Variants in TRPM7 observed in about 807,000 individuals in gnomAD.
The protein encoded by TRPM7 is LTRPC ion channel family member 7.
A neutral mutation model predicts 229.7 loss-of-function variants in TRPM7; 134 were observed. That is an observed-to-expected ratio of 0.58 (90% CI 0.51 to 0.67). TRPM7 has a LOEUF of 0.67. Among genes scored for constraint, TRPM7 ranks in the 30% least tolerant of loss-of-function variants. The pLI is 0.00. For missense variants in TRPM7, 1,901 were observed against 2,210.0 expected (o/e 0.86, Z 2.80); for synonymous variants, 699 against 715.2 (o/e 0.98, Z 0.36).
At chr15:50,569,765 T>C (rs1328152391) in intron 38 of TRPM7, 122 bp downstream of exon 38, 1 of 511,302 alleles carries the variant, frequency 2.0e-6, no homozygotes, top group African/African-American at 2.0e-5. Flanking sequence ...GCAAAAGAGC[T>C]GCTGAAGCTG....
intron 5 of TRPM7, 43 bp from the exon 6 acceptor site, chr15:50,639,591 C>A: frequency 6.3e-7 from 1 of 1,579,730 alleles, no homozygotes; most frequent in South Asian, 1.1e-5. Context: ...TTTTTATTTT[C>A]TTAAAGACAG....
intron 5 of TRPM7, among the ~76,000 whole-genome samples, chr15:50,642,459 G>C (rs1596287337): frequency 6.6e-6 from 1 of 152,152 alleles, no homozygotes; most frequent in African/African-American, 2.4e-5. Context: ...GGTTTTACGG[G>C]AGAGACCAGG....
At chr15:50,653,353 A>G (rs1386791030) in intron 3 of TRPM7, among the ~76,000 whole-genome samples, 1 of 152,234 alleles carries the variant, frequency 6.6e-6, no homozygotes, top group Non-Finnish European at 1.5e-5. Flanking sequence ...TCAGCAAACT[A>G]GGAAAGGAGG....
Position 50,625,642 on chromosome 15 carries a change from C to A in TRPM7, c.1306-1342G>T, listed in dbSNP as rs573625225. ...TCTCAAACTCCTGGCCTCAAGTGAT[C>A]TTCCTAACTCAGCCTCCCACAGTAC... is the stretch of plus-strand genomic sequence containing the variant. On this transcript the variant is annotated intron_variant, in intron 11 of 38. Coordinates refer to ENST00000646667, the MANE Select transcript of TRPM7 (RefSeq NM_017672.6). 1.8e-3 allele frequency among the ~76,000 whole-genome samples: 279 copies of A among 151,992 alleles called. 2 individuals carry two copies. The highest frequency in any genetic ancestry group is 2.0e-3 in the Non-Finnish European group (133 of 68,006).
intron 4 of TRPM7, 89 bp from the exon 5 acceptor site, chr15:50,643,642 G>T: frequency 1.1e-6 from 1 of 944,266 alleles, no homozygotes; most frequent in Non-Finnish European, 1.6e-6. Flanking sequence ...AATTTTATAT[G>T]AATCAGATTA....
At chr15:50,633,071 T>C (rs1311469467) in intron 8 of TRPM7, 79 bp from the exon 9 acceptor site, 1 of 1,289,540 alleles carries the variant, frequency 7.8e-7, no homozygotes, top group Non-Finnish European at 1.0e-6. Flanking sequence ...GGTAGATCCA[T>C]GTAAGACCTT....
At chr15:50,563,345 G>C (rs2053416445) in intron 38 of TRPM7, among the ~76,000 whole-genome samples, 1 of 152,190 alleles carries the variant, frequency 6.6e-6, no homozygotes, top group South Asian at 2.1e-4. Context: ...GAGAAGTACA[G>C]ATACAATACA....
chr15:50,686,384 G>A lies in TRPM7; in HGVS notation c.3+147C>T, dbSNP rs1364481475. The A allele has an allele frequency of 2.9e-6, 4 of 1,363,616 alleles. No individual in the cohort carries two copies. In the African/African-American group the frequency reaches 4.3e-5, roughly 15 times the overall value. The allele number at this position is 1,363,616 out of a possible 1,614,324, so 84.5% of individuals were successfully genotyped here. On this transcript the variant is annotated intron_variant, in intron 1 of 38. Transcript: ENST00000646667. ...CCAGAACGAACTGCACACCCGTCCC[G>A]AGAGGACAAATCCGGAAGCCTCAAG...
intron 6 of TRPM7, among the ~76,000 whole-genome samples, chr15:50,638,266 G>A (rs1421553225): frequency 1.3e-5 from 2 of 149,436 alleles, no homozygotes; most frequent in South Asian, 2.1e-4. Flanking sequence ...GGCTGAGGCA[G>A]GAGAATGGCG....
In TRPM7 at chr15:50,592,340, T is replaced by G. The variant is rs759804060; in HGVS notation, c.3895A>C (p.Ser1299Arg). 5 of 1,614,108 alleles carry G rather than the reference T, an allele frequency of 3.1e-6. 1 individual carries two copies. The South Asian group carries it at 4.4e-5, about 14-fold the overall frequency. The part of the protein sequence containing the change: ...WKKHGVVNTL[S>R]SSLPQGDLES... ...AGATCACCTTGAGGAAGAGAGGAGC[T>G]AAGTGTATTTACAACACCATGCTTT... Residue 1299 changes from serine to arginine, a missense_variant, in exon 26 of 39, where the codon AGC (serine) becomes CGC (arginine). Ser to Arg is a moderately radical substitution (Grantham distance 110). Around this residue, in one of 8 missense-constraint regions of TRPM7, gnomAD observed 533 missense variants for 497.1 expected, o/e 1.07. Transcript: ENST00000646667.
intron 20 of TRPM7, among the ~76,000 whole-genome samples, chr15:50,606,971 T>A (rs1828542407): frequency 6.6e-6 from 1 of 152,188 alleles, no homozygotes; most frequent in Non-Finnish European, 1.5e-5. Flanking sequence ...ATAGGCTACA[T>A]TTCTAACACA....
In TRPM7 at chr15:50,581,470, G is replaced by C. The variant is rs1357610825; in HGVS notation, c.4558-562C>G. Among the ~76,000 whole-genome samples the C allele has an allele frequency of 2.6e-5, 4 of 151,136 alleles. No homozygotes were observed. In the Admixed American group the frequency reaches 2.7e-4, roughly 10 times the overall value. On this transcript the variant is annotated intron_variant, in intron 29 of 38. Transcript: ENST00000646667. The stretch of plus-strand genomic sequence containing the variant: ...GCCAAGATCGTGCCATTGCACTCCA[G>C]CCTAGGCGACAGAGCGAGACTCCAT...
intron 22 of TRPM7, among the ~76,000 whole-genome samples, chr15:50,597,773 G>C (rs1036267849): frequency 6.6e-6 from 1 of 151,966 alleles, no homozygotes; most frequent in South Asian, 2.1e-4. Context: ...CAAAAAACTA[G>C]CCAGGCATGA....
chr15:50,649,978 T>C (rs2061371629), intron 3 of TRPM7, among the ~76,000 whole-genome samples: 1 of 151,956 alleles, frequency 6.6e-6, no homozygotes, highest in Non-Finnish European at 1.5e-5. Context: ...GCAGATTACC[T>C]GAGGTCAGGA....
intron 27 of TRPM7, chr15:50,588,102 T>C (rs1254500099): frequency 2.6e-6 from 1 of 390,246 alleles, no homozygotes; most frequent in Non-Finnish European, 3.5e-6. Context: ...ATAGGTCCGC[T>C]GAACCTACAC....
At position 50,594,626 on chromosome 15, in the gene TRPM7, T is replaced by C; in HGVS notation, c.3291-13A>G. 1 of 1,520,850 alleles carries C rather than the reference T, an allele frequency of 6.6e-7. No homozygotes were observed. The highest frequency in any genetic ancestry group is 1.2e-5 in the South Asian group (1 of 80,570). 94.2% of individuals were successfully genotyped at this position (1,520,850 alleles called of 1,614,324 possible). On this transcript the variant is annotated splice_polypyrimidine_tract_variant and intron_variant, in intron 23 of 38. Coordinates refer to ENST00000646667, the MANE Select transcript of TRPM7 (RefSeq NM_017672.6). The stretch of plus-strand genomic sequence containing the variant: ...TAAATACACATTGCTAGAGAAATAA[T>C]GAATAAAAATAAAATAAACTTTGTT...
In TRPM7 at chr15:50,570,162, A is replaced by G. The variant is rs2141472941; in HGVS notation, c.5309-7T>C. The G allele has an allele frequency of 6.3e-7, 1 of 1,583,880 alleles. No individual in the cohort carries two copies. Among genetic ancestry groups the G allele is most frequent in the East Asian group, 2.2e-5 (1 of 44,510 alleles). On this transcript the variant is annotated splice_region_variant and splice_polypyrimidine_tract_variant and intron_variant, in intron 36 of 38. Coordinates refer to ENST00000646667, the MANE Select transcript of TRPM7 (RefSeq NM_017672.6). ...GTCAAATTTTCACCAACACCTTTAT[A>G]TGTGTATATAAAAAAGACAAATAAT...
chr15:50,571,067 T>A (rs529248362), intron 36 of TRPM7, among the ~76,000 whole-genome samples: 19 of 152,062 alleles, frequency 1.2e-4, no homozygotes, highest in Admixed American at 3.3e-4. Flanking sequence ...TATAAACACA[T>A]ACACACACAC....
At chr15:50,586,607 A>G in intron 27 of TRPM7, 119 bp from the exon 28 acceptor site, 1 of 620,964 alleles carries the variant, frequency 1.6e-6, no homozygotes, top group Non-Finnish European at 2.8e-6. Flanking sequence ...TTCTACCTGG[A>G]CACCAATGGG....
Sources: allele counts gnomAD v4.1 joint callset (sites outside exome capture counted in the v4.1 genomes callset), GRCh38; gene constraint gnomAD v4.1.1; regional missense constraint gnomAD v4.1.1; transcripts MANE v1.5; gene names NCBI Gene and HGNC (gene_info 2026-07-23, HGNC 2026-07-21).